BPIFB1: variants seen among roughly 807,000 people sequenced by gnomAD.
BPIFB1 encodes BPI fold containing family B member 1.
BPIFB1 carries 34 observed loss-of-function variants against 55.1 expected under a neutral mutation model. The observed-to-expected ratio is 0.62, with a 90% confidence interval of 0.47 to 0.82. BPIFB1 has a LOEUF of 0.82. BPIFB1 is among the 40% of genes least tolerant of loss of function. The pLI is 0.00. For synonymous variants in BPIFB1, 236 were observed against 245.3 expected, an observed-to-expected ratio of 0.96 and a Z score of 0.35; for missense variants, 532 against 593.1, an observed-to-expected ratio of 0.90 and a Z score of 1.07.
intron 2 of BPIFB1, among the ~76,000 whole-genome samples, chr20:33,287,739 G>A (rs1568646365): frequency 6.6e-6 from 1 of 152,132 alleles, no homozygotes; most frequent in Admixed American, 6.5e-5. Flanking sequence ...TGGAGGAAGG[G>A]GGCTGCTGTT....
At chr20:33,302,748 G>A in intron 10 of BPIFB1, 168 bp from the exon 11 acceptor site, 2 of 772,558 alleles carry the variant, frequency 2.6e-6, no homozygotes, top group South Asian at 1.8e-5. Flanking sequence ...AAGGCTGCCA[G>A]GTAGGGAGAA....
At chr20:33,303,120 T>A (rs768633541) in intron 11 of BPIFB1, 46 bp downstream of exon 11, 1 of 1,605,986 alleles carries the variant, frequency 6.2e-7, no homozygotes, top group Non-Finnish European at 8.5e-7. Flanking sequence ...GGGGGACCCT[T>A]CTGTCTACTT....
chr20:33,296,438 G>T (rs1980657399), intron 6 of BPIFB1, among the ~76,000 whole-genome samples: 1 of 152,206 alleles, frequency 6.6e-6, no homozygotes. Context: ...AGACAAAAAT[G>T]TCCTCAATAA....
At chr20:33,300,995 G>A (rs1413320721) in intron 8 of BPIFB1, among the ~76,000 whole-genome samples, 1 of 152,122 alleles carries the variant, frequency 6.6e-6, no homozygotes, top group Non-Finnish European at 1.5e-5. Flanking sequence ...TGAGGTGTCT[G>A]AGAAGTTGAA....
chr20:33,285,393 CA>C (rs1468947855), intron 1 of BPIFB1, among the ~76,000 whole-genome samples: 1 of 148,756 alleles, frequency 6.7e-6, no homozygotes, highest in African/African-American at 2.6e-5. Context: ...TTGTTCTGAG[CA>C]TTGTTGCTGG....
chr20:33,288,651 C>T, intron 2 of BPIFB1, 90 bp from the exon 3 acceptor site: 6 of 1,499,002 alleles, frequency 4.0e-6, no homozygotes, highest in Admixed American at 1.9e-5. Flanking sequence ...CAGGGAGCCT[C>T]GAGTGATACC....
chr20:33,292,028 G>T lies in BPIFB1; in HGVS notation c.597+40G>T, dbSNP rs751274617. On this transcript the variant is annotated intron_variant, in intron 6 of 15. Coordinates refer to ENST00000253354, the MANE Select transcript of BPIFB1 (RefSeq NM_033197.3). The stretch of plus-strand genomic sequence containing the variant: ...GGCCTCTCTGGCCTGTGGGCATTGC[G>T]CCCCCTGTGGGGCTTGGGTGGAACT... The T allele has an allele frequency of 3.2e-6, 5 of 1,579,824 alleles. No individual in the cohort carries two copies. The African/African-American group carries it at 5.4e-5, about 17-fold the overall frequency.
intron 15 of BPIFB1, chr20:33,307,874 A>G (rs931962355): frequency 2.0e-5 from 3 of 151,908 alleles, no homozygotes; most frequent in Non-Finnish European, 4.4e-5. Flanking sequence ...AGATCACGCC[A>G]TTGCACTCCA....
Position 33,299,183 on chromosome 20 carries a change from C to T in BPIFB1, c.662-716C>T, listed in dbSNP as rs62209751. The T allele has an allele frequency of 4.9e-3, 2,230 of 456,616 alleles. 28 individuals carry two copies. The highest frequency in any genetic ancestry group is 0.032 in the African/African-American group (1,592 of 50,194). The allele number at this position is 456,616 out of a possible 1,614,324, so 28.3% of individuals were successfully genotyped here. A position where few individuals can be genotyped will look rare whatever the true frequency, so the allele number is the denominator to read the frequency against. On this transcript the variant is annotated intron_variant, in intron 7 of 15. Coordinates refer to ENST00000253354, the MANE Select transcript of BPIFB1 (RefSeq NM_033197.3). ...GGGGCTCAAACCGAAGTCCAGCTGG[C>T]TCCTCCGCTGCCCCGAGGACGGGCC...
chr20:33,283,803 C>T (rs1980177966), intron 1 of BPIFB1, among the ~76,000 whole-genome samples: 2 of 151,908 alleles, frequency 1.3e-5, no homozygotes, highest in African/African-American at 4.8e-5. Context: ...ATGACAGGGG[C>T]GTGTGTGGTG....
At chr20:33,297,616 T>G in intron 7 of BPIFB1, 28 bp downstream of exon 7, 1 of 1,613,468 alleles carries the variant, frequency 6.2e-7, no homozygotes, top group Non-Finnish European at 8.5e-7. Context: ...TCTCCCACTT[T>G]TTCCTTTACT....
chr20:33,303,570 C>G (rs1980923729), intron 11 of BPIFB1, among the ~76,000 whole-genome samples: 2 of 152,190 alleles, frequency 1.3e-5, no homozygotes, highest in African/African-American at 4.8e-5. Flanking sequence ...AGGGCTGACT[C>G]TCACTGAATG....
At chr20:33,284,378 G>C (rs1404463057) in intron 1 of BPIFB1, among the ~76,000 whole-genome samples, 7 of 152,020 alleles carry the variant, frequency 4.6e-5, no homozygotes, top group Non-Finnish European at 1.0e-4. Context: ...AATTCTTTCG[G>C]GGCTTCCAGA....
intron 6 of BPIFB1, among the ~76,000 whole-genome samples, chr20:33,292,909 T>C (rs927384479): frequency 2.0e-5 from 3 of 152,268 alleles, no homozygotes; most frequent in Admixed American, 2.0e-4. Context: ...AAGACTTTTT[T>C]CTTTGATTTT....
chr20:33,307,463 G>A (rs927582425), intron 15 of BPIFB1: 1 of 161,638 alleles, frequency 6.2e-6, no homozygotes, highest in African/African-American at 2.4e-5. Flanking sequence ...TGTCAGGGAA[G>A]GGGGTGCTGT....
intron 15 of BPIFB1, among the ~76,000 whole-genome samples, chr20:33,308,437 T>G: frequency 6.6e-6 from 1 of 151,190 alleles, no homozygotes; most frequent in East Asian, 1.9e-4. Context: ...GATGCATGCA[T>G]GCACACACAC....
intron 3 of BPIFB1, among the ~76,000 whole-genome samples, chr20:33,289,391 A>AAAC (rs1555797305): frequency 1.3e-5 from 2 of 149,182 alleles, no homozygotes; most frequent in African/African-American, 5.0e-5. Context: ...CAAAAAAAAA[A>AAAC]AAACAAAAAA....
At chr20:33,308,447 CAT>C (rs368511508) in intron 15 of BPIFB1, among the ~76,000 whole-genome samples, 2 of 149,802 alleles carry the variant, frequency 1.3e-5, no homozygotes, top group African/African-American at 5.0e-5. Flanking sequence ...TGCACACACA[CAT>C]ATACACACAC....
At chr20:33,283,855 C>A (rs146734347) in intron 1 of BPIFB1, among the ~76,000 whole-genome samples, 1 of 152,062 alleles carries the variant, frequency 6.6e-6, no homozygotes, top group Non-Finnish European at 1.5e-5. Context: ...AGGAGGGAAA[C>A]AGGGATGCTA....
Sources: gnomAD v4.1 joint callset for allele counts (sites outside exome capture counted in the v4.1 genomes callset) on GRCh38, gnomAD v4.1.1 for gene constraint, MANE v1.5 for transcripts, NCBI Gene and HGNC (gene_info 2026-07-23, HGNC 2026-07-21) for gene names.